Variants in NBPF8 observed in about 807,000 individuals in gnomAD.
The protein encoded by NBPF8 is NBPF family member NBPF8.
chr1:120,454,460 T>C (rs1661377304), intron 15 of NBPF8, among the ~76,000 whole-genome samples: 1 of 152,078 alleles, frequency 6.6e-6, no homozygotes, highest in Non-Finnish European at 1.5e-5. Flanking sequence ...TTTCTATGCC[T>C]GTTTAAGGAA....
At chr1:120,419,396 C>A (rs1212787700), upstream of NBPF8, among the ~76,000 whole-genome samples, 2 of 152,218 alleles carry the variant, frequency 1.3e-5, no homozygotes, top group Non-Finnish European at 1.5e-5. Flanking sequence ...AATTCCCTAA[C>A]AGAAAGAATC....
At chr1:120,452,605 T>C (rs1209041651) in intron 13 of NBPF8, among the ~76,000 whole-genome samples, 1 of 152,226 alleles carries the variant, frequency 6.6e-6, no homozygotes, top group Non-Finnish European at 1.5e-5. Flanking sequence ...GGAAGGAGGC[T>C]GCGATGGGAG....
intron 15 of NBPF8, among the ~76,000 whole-genome samples, chr1:120,454,633 CA>C (rs1221235709): frequency 6.8e-6 from 1 of 147,558 alleles, no homozygotes; most frequent in African/African-American, 2.5e-5. Flanking sequence ...TTCCATAAAG[CA>C]AGGCTGGACC....
At chr1:120,418,832 G>T (rs1293184942), upstream of NBPF8, among the ~76,000 whole-genome samples, 3 of 150,992 alleles carry the variant, frequency 2.0e-5, no homozygotes, top group African/African-American at 7.4e-5. Context: ...ACAGGCATAA[G>T]CCATCACCGC....
upstream of NBPF8, among the ~76,000 whole-genome samples, chr1:120,435,855 G>A (rs1185732336): frequency 6.0e-5 from 9 of 150,522 alleles, no homozygotes; most frequent in African/African-American, 2.2e-4. Context: ...GACAGAGTGA[G>A]ACTCTGTCTC....
At chr1:120,422,924 G>C (rs1171111553) in intron 1 of NBPF8, among the ~76,000 whole-genome samples, 3 of 102,404 alleles carry the variant, frequency 2.9e-5, no homozygotes, top group African/African-American at 1.1e-4. Flanking sequence ...TTTGCCATCT[G>C]TATATCTTAT....
intron 1 of NBPF8, among the ~76,000 whole-genome samples, chr1:120,424,436 G>C (rs1660653030): frequency 6.6e-6 from 1 of 151,918 alleles, no homozygotes; most frequent in South Asian, 2.1e-4. Flanking sequence ...GTTAAGTAGT[G>C]AACCGTCTTT....
chr1:120,450,520 T>A (rs1206829117), intron 11 of NBPF8, among the ~76,000 whole-genome samples: 1 of 152,188 alleles, frequency 6.6e-6, no homozygotes, highest in African/African-American at 2.4e-5. Context: ...CATGAGCTAT[T>A]TCTTGTCAGT....
intron 3 of NBPF8, among the ~76,000 whole-genome samples, chr1:120,428,255 C>T (rs1660777206): frequency 1.3e-5 from 2 of 152,176 alleles, no homozygotes; most frequent in Non-Finnish European, 2.9e-5. Flanking sequence ...CCAAGAGTGT[C>T]TTATCTGAAA....
At chr1:120,452,701 A>T (rs1158959976) in intron 13 of NBPF8, among the ~76,000 whole-genome samples, 1 of 150,654 alleles carries the variant, frequency 6.6e-6, no homozygotes, top group Non-Finnish European at 1.5e-5. Context: ...TAACTGTCAG[A>T]GAGTGAATGA....
upstream of NBPF8, among the ~76,000 whole-genome samples, chr1:120,434,617 C>G (rs1437011078): frequency 1.3e-5 from 2 of 151,668 alleles, no homozygotes; most frequent in African/African-American, 4.8e-5. Flanking sequence ...ACCGCCGCTT[C>G]TAAATGTTTT....
chr1:120,428,583 C>A (rs1660786204), intron 3 of NBPF8, among the ~76,000 whole-genome samples: 1 of 152,252 alleles, frequency 6.6e-6, no homozygotes, highest in Middle Eastern at 3.4e-3. Context: ...GGTGAAGAAG[C>A]ATCTTGCAGA....
intron 22 of NBPF8, 141 bp from the exon 21 acceptor site, chr1:120,464,235 A>C: frequency 8.2e-6 from 5 of 613,244 alleles, no homozygotes; most frequent in South Asian, 5.8e-5. Context: ...CCCAACATGA[A>C]GGCAATAATT....
intron 24 of NBPF8, among the ~76,000 whole-genome samples, chr1:120,465,774 G>GTC (rs1271555140): frequency 3.3e-5 from 5 of 149,274 alleles, no homozygotes; most frequent in South Asian, 2.1e-4. Context: ...CTCTGTCTCT[G>GTC]TCTCTCTCTC....
chr1:120,454,703 A>AT (rs1175094609), intron 15 of NBPF8, among the ~76,000 whole-genome samples: 2 of 5,078 alleles, frequency 3.9e-4, no homozygotes, highest in African/African-American at 8.7e-4. Flanking sequence ...AGCATCGTGG[A>AT]TTTTTTTTTT....
chr1:120,428,416 CCTT>C (rs1353347081), intron 3 of NBPF8, among the ~76,000 whole-genome samples: 2 of 152,090 alleles, frequency 1.3e-5, no homozygotes, highest in Non-Finnish European at 2.9e-5. Flanking sequence ...AGTACCTCCT[CCTT>C]TTCAACCTAC....
At chr1:120,466,227 C>G in exon 25 of NBPF8, 1 of 1,607,628 alleles carries the variant, frequency 6.2e-7, no homozygotes. Context: ...AATAAGCAGC[C>G]CTTACTAAGC....
At chr1:120,429,436 T>A (rs1193370447) in intron 3 of NBPF8, among the ~76,000 whole-genome samples, 1 of 151,944 alleles carries the variant, frequency 6.6e-6, no homozygotes, top group East Asian at 1.9e-4. Flanking sequence ...AGGCTGGAGG[T>A]CATGGCGGGA....
downstream of NBPF8, among the ~76,000 whole-genome samples, chr1:120,469,640 G>C (rs1176600315): frequency 1.1e-4 from 16 of 151,582 alleles, no homozygotes; most frequent in Non-Finnish European, 1.9e-4. Flanking sequence ...TTCTTTAATG[G>C]TTTGTGTTTA....
Sources: allele counts gnomAD v4.1 joint callset (sites outside exome capture counted in the v4.1 genomes callset), GRCh38; gene constraint gnomAD v4.1.1; transcripts MANE v1.5; gene names NCBI Gene and HGNC (gene_info 2026-07-23, HGNC 2026-07-21).